The following CFAP77 variants were observed in gnomAD, a reference collection of about 807,000 sequenced individuals.
CFAP77 encodes the protein cilia- and flagella-associated protein 77.
CFAP77 carries 25 observed loss-of-function variants against 31.1 expected under a neutral mutation model. The observed-to-expected ratio is 0.80, with a 90% CI of 0.59 to 1.12. The LOEUF (loss-of-function observed/expected upper bound fraction) is 1.12. Ranked by LOEUF, CFAP77 falls within the 50% of genes most tolerant of loss-of-function variation. The pLI, the probability that CFAP77 is intolerant of heterozygous loss-of-function variation, is 0.00. For missense variants in CFAP77, 377 were observed against 397.3 expected, an observed-to-expected ratio of 0.95 and a Z score of 0.44; for synonymous variants, 151 against 159.9, an observed-to-expected ratio of 0.94 and a Z score of 0.42.
chr9:132,536,172 C>T (rs960073073), intron 3 of CFAP77, among the ~76,000 whole-genome samples: 4 of 151,956 alleles, frequency 2.6e-5, no homozygotes, highest in Non-Finnish European at 1.5e-5. Context: ...TTCTAAGCTC[C>T]AAGTGGGTAC....
At chr9:132,568,568 A>G (rs1734789123) in intron 5 of CFAP77, among the ~76,000 whole-genome samples, 1 of 152,042 alleles carries the variant, frequency 6.6e-6, no homozygotes, top group Non-Finnish European at 1.5e-5. Flanking sequence ...AAAAAAAAAA[A>G]AAAAAAAATA....
chr9:132,465,812 C>T (rs983530782), intron 1 of CFAP77, among the ~76,000 whole-genome samples: 1 of 152,188 alleles, frequency 6.6e-6, no homozygotes, highest in Non-Finnish European at 1.5e-5. Flanking sequence ...CCCAACACTT[C>T]ATGGGAGCTG....
intron 1 of CFAP77, among the ~76,000 whole-genome samples, chr9:132,447,227 T>A (rs954080985): frequency 3.3e-5 from 5 of 152,220 alleles, no homozygotes; most frequent in Non-Finnish European, 7.3e-5. Context: ...TAAAATCAAC[T>A]AATGAGCAGA....
At chr9:132,537,273 AC>A (rs962013775) in intron 3 of CFAP77, among the ~76,000 whole-genome samples, 3 of 152,112 alleles carry the variant, frequency 2.0e-5, no homozygotes, top group African/African-American at 7.2e-5. Flanking sequence ...TGGGGAATCA[AC>A]GTAGCGGGAC....
chr9:132,538,465 T>A (rs138680090), intron 4 of CFAP77, among the ~76,000 whole-genome samples: 112 of 152,332 alleles, frequency 7.4e-4, no homozygotes, highest in African/African-American at 2.6e-3. Context: ...CATCTTTAAT[T>A]CTTCGTTTGT....
intron 1 of CFAP77, among the ~76,000 whole-genome samples, chr9:132,416,311 T>A (rs930070759): frequency 6.6e-6 from 1 of 151,660 alleles, no homozygotes; most frequent in Non-Finnish European, 1.5e-5. Flanking sequence ...GCTATAACTG[T>A]TGAGTGCTTC....
At chr9:132,514,680 A>G (rs190852320) in intron 3 of CFAP77, among the ~76,000 whole-genome samples, 125 of 152,192 alleles carry the variant, frequency 8.2e-4, no homozygotes, top group African/African-American at 2.9e-3. Flanking sequence ...ATGACCTCTC[A>G]TTCAGATTTA....
chr9:132,491,190 G>A (rs886618086), intron 1 of CFAP77, among the ~76,000 whole-genome samples: 1 of 152,150 alleles, frequency 6.6e-6, no homozygotes, highest in African/African-American at 2.4e-5. Flanking sequence ...ATCTGTGGCC[G>A]GGCATGGTGG....
At chr9:132,494,426 C>T (rs1183365249) in intron 1 of CFAP77, among the ~76,000 whole-genome samples, 1 of 152,214 alleles carries the variant, frequency 6.6e-6, no homozygotes, top group Non-Finnish European at 1.5e-5. Context: ...TCACCCCTGA[C>T]TGAGGACCAC....
intron 1 of CFAP77, among the ~76,000 whole-genome samples, chr9:132,476,284 C>T (rs1250520115): frequency 6.6e-6 from 1 of 152,116 alleles, no homozygotes; most frequent in Non-Finnish European, 1.5e-5. Context: ...TCAACCCTTA[C>T]TCACTGTGTC....
At chr9:132,482,264 G>A in intron 1 of CFAP77, 1 of 1,425,626 alleles carries the variant, frequency 7.0e-7, no homozygotes, top group Non-Finnish European at 9.9e-7. Flanking sequence ...ACCCTTGACA[G>A]CTAAACTGAC....
chr9:132,518,957 C>T (rs1852197487), intron 3 of CFAP77, among the ~76,000 whole-genome samples: 1 of 152,194 alleles, frequency 6.6e-6, no homozygotes, highest in Admixed American at 6.5e-5. Context: ...GTGGCGTTCC[C>T]TGGGCCTCAG....
chr9:132,486,489 A>T (rs919836504), intron 1 of CFAP77, among the ~76,000 whole-genome samples: 3 of 152,138 alleles, frequency 2.0e-5, no homozygotes, highest in Admixed American at 6.5e-5. Context: ...CAAGACGATG[A>T]GCTGCTTCCT....
intron 1 of CFAP77, among the ~76,000 whole-genome samples, chr9:132,486,220 G>A: frequency 6.8e-6 from 1 of 147,444 alleles, no homozygotes; most frequent in Non-Finnish European, 1.5e-5. Context: ...AGCCTCCCGA[G>A]TAGCTGGGAC....
intron 3 of CFAP77, among the ~76,000 whole-genome samples, chr9:132,521,854 C>A (rs1376902558): frequency 6.9e-6 from 1 of 143,928 alleles, no homozygotes; most frequent in African/African-American, 2.6e-5. Context: ...GCAACCTCTG[C>A]CTCCCGGGTT....
intron 1 of CFAP77, among the ~76,000 whole-genome samples, chr9:132,483,528 A>G (rs892879134): frequency 6.6e-6 from 1 of 152,116 alleles, no homozygotes; most frequent in Non-Finnish European, 1.5e-5. Context: ...CTCCAGACTC[A>G]CAGTCCAGAG....
At chr9:132,462,205 G>A (rs1171509903) in intron 1 of CFAP77, among the ~76,000 whole-genome samples, 1 of 152,134 alleles carries the variant, frequency 6.6e-6, no homozygotes, top group Middle Eastern at 3.2e-3. Flanking sequence ...CCCCTGGGAC[G>A]GAGGGAAGAA....
rs527765226 is a variant in CFAP77, at chr9:132,552,355, C to G, written c.732+9308C>G. 2.6e-4 allele frequency among the ~76,000 whole-genome samples: 40 copies of G among 152,286 alleles called. No homozygotes were observed. The highest frequency in any genetic ancestry group is 9.6e-4 in the African/African-American group (40 of 41,572). On this transcript the variant is annotated intron_variant, in intron 5 of 5. Transcript: ENST00000393216. This position sits in a 1 kb window ranked among gnomAD's most constrained non-coding sequence, Gnocchi z 5.5. Reference sequence around the variant, plus strand: ...AAGCTGCTCCTTTAGATGAGTTATTCGAAAACTTGGCTTTGCCTGGGATCC... The same window carrying G: ...AAGCTGCTCCTTTAGATGAGTTATTGGAAAACTTGGCTTTGCCTGGGATCC...
rs35585148 is a variant in CFAP77 at position 132,468,791 on chromosome 9, G to GCACA, written c.196-29888_196-29885dup. Among the ~76,000 whole-genome samples the GCACA allele has an allele frequency of 6.7e-3, 997 of 148,630 alleles. 7 individuals are homozygous for GCACA. The highest frequency in any genetic ancestry group is 0.018 in the South Asian group (83 of 4,678). ...TTTGAAAGAATAAGCACACACACACGCACACACACACACACACACGCACGC... is the reference window on the plus strand; with the variant it reads ...TTTGAAAGAATAAGCACACACACACGCACACACACACACACACACACACGCACGC... On this transcript the variant is annotated intron_variant, in intron 1 of 5. Coordinates refer to ENST00000393216, the MANE Select transcript of CFAP77 (RefSeq NM_001282957.2).
Sources: allele counts gnomAD v4.1 joint callset (sites outside exome capture counted in the v4.1 genomes callset), GRCh38; gene constraint gnomAD v4.1.1; non-coding constraint Gnocchi (gnomAD v3.1); transcripts MANE v1.5; gene names NCBI Gene and HGNC (gene_info 2026-07-23, HGNC 2026-07-21).